Variants in THRB observed in about 807,000 individuals in gnomAD.
THRB encodes nuclear receptor subfamily 1 group A member 2.
THRB carries 12 observed loss-of-function variants against 47.8 expected under a neutral mutation model. The observed-to-expected ratio is 0.25, with a 90% CI of 0.16 to 0.41. The LOEUF is 0.41. Ranked by LOEUF, THRB falls within the 10% of genes least tolerant of loss-of-function variation. The probability of loss-of-function intolerance (pLI) is 1.00; values close to 1 mark genes in which losing one functional copy is unlikely to be tolerated. For missense variants in THRB, 348 were observed against 589.2 expected (o/e 0.59, Z 4.24); for synonymous variants, 218 against 212.2 (o/e 1.03, Z -0.24).
chr3:24,321,383 A>G (rs2058473513), intron 2 of THRB, among the ~76,000 whole-genome samples: 1 of 152,204 alleles, frequency 6.6e-6, no homozygotes, highest in African/African-American at 2.4e-5. Context: ...AATTTTTGAA[A>G]GAATAGTACT....
intron 3 of THRB, among the ~76,000 whole-genome samples, chr3:24,269,758 T>C (rs1406652671): frequency 6.6e-6 from 1 of 152,122 alleles, no homozygotes; most frequent in East Asian, 1.9e-4. Flanking sequence ...TGATTAAGGG[T>C]AATGGCATCA....
chr3:24,158,358 T>G (rs2038190751), intron 5 of THRB, among the ~76,000 whole-genome samples: 1 of 151,634 alleles, frequency 6.6e-6, no homozygotes, highest in African/African-American at 2.4e-5. Context: ...AAGAAATATT[T>G]CACATAATTC....
chr3:24,222,923 G>T (rs2047300503), intron 4 of THRB, among the ~76,000 whole-genome samples: 1 of 152,164 alleles, frequency 6.6e-6, no homozygotes, highest in Admixed American at 6.5e-5. Flanking sequence ...CATCTGGGGA[G>T]ACAGGAATTC....
At chr3:24,407,468 T>C (rs2067923817) in intron 1 of THRB, among the ~76,000 whole-genome samples, 1 of 151,870 alleles carries the variant, frequency 6.6e-6, no homozygotes, top group African/African-American at 2.4e-5. Flanking sequence ...TTCTTTATGA[T>C]TTGCAATTCT....
At chr3:24,357,370 A>C (rs866903105) in intron 1 of THRB, among the ~76,000 whole-genome samples, 2,049 of 146,606 alleles carry the variant, frequency 0.014, 58 homozygotes, top group African/African-American at 0.049. Context: ...AAAAAAAAAA[A>C]AAAACAAAAA....
intron 3 of THRB, among the ~76,000 whole-genome samples, chr3:24,242,962 G>A (rs1296338015): frequency 6.6e-6 from 1 of 151,540 alleles, no homozygotes; most frequent in Non-Finnish European, 1.5e-5. Flanking sequence ...GGTCATCTGT[G>A]GGGTTTTGTT....
rs144326082 is a variant in THRB at position 24,218,459 on chromosome 3, T to C, written c.22+10479A>G. On this transcript the variant is annotated intron_variant, in intron 4 of 10. Coordinates refer to ENST00000646209, the MANE Select transcript of THRB (RefSeq NM_001354712.2). ...GACACTAGTGAGAAGACATGAATTA[T>C]GGGAATGGGCTAAGCAAAGCTATAG... Among the ~76,000 whole-genome samples the C allele has an allele frequency of 3.5e-3, 524 of 151,502 alleles. 7 individuals carry two copies. Among genetic ancestry groups the C allele is most frequent in the African/African-American group, 0.012 (491 of 41,316 alleles).
In THRB at chr3:24,284,278, A is replaced by G. The variant is rs1473675188; in HGVS notation, c.-43+12948T>C. Among the ~76,000 whole-genome samples, 7 of 151,996 alleles carry G rather than the reference A, an allele frequency of 4.6e-5. No homozygotes were observed. In the East Asian group the frequency reaches 1.2e-3, roughly 25 times the overall value. On this transcript the variant is annotated intron_variant, in intron 3 of 10. Transcript: ENST00000646209. ...ACAGAGCCCTCAGAAATAACGCCAC[A>G]TATCTACAACTATCTGATCTTTGAC... is the stretch of plus-strand genomic sequence containing the variant.
At chr3:24,242,371 G>A (rs912536375) in intron 3 of THRB, among the ~76,000 whole-genome samples, 2 of 152,084 alleles carry the variant, frequency 1.3e-5, no homozygotes, top group East Asian at 3.9e-4. Context: ...TCGGCTCACG[G>A]CTCCAAGCAT....
chr3:24,393,642 A>G (rs1346966533), intron 1 of THRB, among the ~76,000 whole-genome samples: 1 of 152,110 alleles, frequency 6.6e-6, no homozygotes, highest in East Asian at 1.9e-4. Flanking sequence ...GAAAATAAAT[A>G]CCTGCTGTTT....
At position 24,458,052 on chromosome 3, in the gene THRB, TC is replaced by T. The variant is rs370557689; in HGVS notation, c.-261+36599del. Reference sequence around the variant, plus strand: ...CCTAAAATTATGCATTTCTGACAAGTCCCCAGGGGAAGTCTATGGGGCTGGC... The same window carrying T: ...CCTAAAATTATGCATTTCTGACAAGTCCCAGGGGAAGTCTATGGGGCTGGC... On this transcript the variant is annotated intron_variant, in intron 1 of 10. Coordinates refer to ENST00000646209, the MANE Select transcript of THRB (RefSeq NM_001354712.2). 1.1e-3 allele frequency: 167 copies of T among 152,188 alleles called. 3 individuals are homozygous for T. Among genetic ancestry groups the T allele is most frequent in the African/African-American group, 3.6e-3 (148 of 41,516 alleles). 9.4% of individuals were successfully genotyped at this position (152,188 alleles called of 1,614,324 possible).
At chr3:24,285,882 C>T (rs1041412892) in intron 3 of THRB, among the ~76,000 whole-genome samples, 7 of 152,190 alleles carry the variant, frequency 4.6e-5, no homozygotes, top group Admixed American at 1.3e-4. Flanking sequence ...GTGTCTTCCT[C>T]TGCCCAAATC....
intron 5 of THRB, among the ~76,000 whole-genome samples, chr3:24,170,416 A>G (rs529321056): frequency 1.3e-5 from 2 of 152,300 alleles, no homozygotes; most frequent in South Asian, 2.1e-4. Flanking sequence ...CACAGCCACC[A>G]AAGAGTGATG....
At chr3:24,212,595 A>AAG (rs1553646051) in intron 4 of THRB, among the ~76,000 whole-genome samples, 2,164 of 150,010 alleles carry the variant, frequency 0.014, 16 homozygotes, top group Middle Eastern at 0.038. Context: ...AAAAAAAAAA[A>AAG]AAAGAAAGAA....
intron 1 of THRB, among the ~76,000 whole-genome samples, chr3:24,368,765 C>A (rs78512010): frequency 0.017 from 2,645 of 152,248 alleles, 36 homozygotes; most frequent in African/African-American, 0.037. Context: ...TTTATGTACA[C>A]CAAAACTTCC....
At chr3:24,363,888 C>T (rs2064253477) in intron 1 of THRB, among the ~76,000 whole-genome samples, 1 of 152,156 alleles carries the variant, frequency 6.6e-6, no homozygotes. Flanking sequence ...TATTCTTTCT[C>T]TAATATACAT....
intron 3 of THRB, among the ~76,000 whole-genome samples, chr3:24,260,959 T>A (rs757541026): frequency 3.3e-5 from 5 of 152,164 alleles, no homozygotes; most frequent in African/African-American, 1.2e-4. Flanking sequence ...AGTTTCTGAA[T>A]CAGTAGGCCT....
intron 1 of THRB, chr3:24,455,562 C>T (rs1236138993): frequency 6.6e-6 from 1 of 152,182 alleles, no homozygotes; most frequent in East Asian, 1.9e-4. Context: ...CTGGTATCAA[C>T]ATAATACTTT....
chr3:24,443,410 A>T (rs1379790594), intron 1 of THRB, among the ~76,000 whole-genome samples: 4 of 152,226 alleles, frequency 2.6e-5, no homozygotes, highest in African/African-American at 9.6e-5. Flanking sequence ...ATTGCCCATG[A>T]AAATATAATT....
Sources: gnomAD v4.1 joint callset for allele counts (sites outside exome capture counted in the v4.1 genomes callset) on GRCh38, gnomAD v4.1.1 for gene constraint, MANE v1.5 for transcripts, NCBI Gene and HGNC (gene_info 2026-07-23, HGNC 2026-07-21) for gene names.